Variants in NEK7 observed in about 807,000 individuals in gnomAD.
NEK7 encodes the protein NIMA related kinase 7, also known as serine/threonine-protein kinase Nek7.
In NEK7, 18 loss-of-function variants were observed where a neutral mutation model predicts 44.6. The ratio of observed to expected loss-of-function variants is 0.40; its 90% CI spans 0.28 to 0.60. The LOEUF is 0.60. Ranked by LOEUF, NEK7 falls within the 20% of genes least tolerant of loss-of-function variation. The pLI, the probability that NEK7 is intolerant of heterozygous loss-of-function variation, is 0.38. For missense variants in NEK7, 256 were observed against 366.5 expected, an observed-to-expected ratio of 0.70 and a Z score of 2.46; for synonymous variants, 130 against 121.1, an observed-to-expected ratio of 1.07 and a Z score of -0.48.
At chr1:198,163,330 A>G (rs1221708113) in intron 1 of NEK7, among the ~76,000 whole-genome samples, 1 of 151,952 alleles carries the variant, frequency 6.6e-6, no homozygotes, top group East Asian at 1.9e-4. Flanking sequence ...CTGTCACTAC[A>G]AAAAATTTAA....
At chr1:198,283,628 A>G (rs1290699337) in intron 7 of NEK7, among the ~76,000 whole-genome samples, 2 of 152,164 alleles carry the variant, frequency 1.3e-5, no homozygotes, top group African/African-American at 4.8e-5. Context: ...TAGGACACTT[A>G]TGAATTTTGC....
At chr1:198,201,539 C>T (rs557299526) in intron 1 of NEK7, among the ~76,000 whole-genome samples, 1 of 152,166 alleles carries the variant, frequency 6.6e-6, no homozygotes, top group Admixed American at 6.5e-5. Context: ...ACTGTCTGAC[C>T]CTTTACCAAA....
intron 9 of NEK7, among the ~76,000 whole-genome samples, chr1:198,308,795 T>C (rs1655088748): frequency 6.6e-6 from 1 of 152,194 alleles, no homozygotes; most frequent in Non-Finnish European, 1.5e-5. Context: ...CATCATACTT[T>C]CTTTGGCCAA....
At chr1:198,202,568 G>A (rs1665463786) in intron 1 of NEK7, among the ~76,000 whole-genome samples, 1 of 152,134 alleles carries the variant, frequency 6.6e-6, no homozygotes, top group Non-Finnish European at 1.5e-5. Context: ...GAATCTCTCT[G>A]TATTAGTCTG....
intron 1 of NEK7, chr1:198,208,700 T>G (rs1665669067): frequency 6.6e-6 from 1 of 152,240 alleles, no homozygotes; most frequent in Non-Finnish European, 1.5e-5. Flanking sequence ...AAGATAATTT[T>G]AGTATTTGAG....
At chr1:198,216,710 G>A (rs1327642684) in intron 1 of NEK7, among the ~76,000 whole-genome samples, 1 of 151,940 alleles carries the variant, frequency 6.6e-6, no homozygotes, top group Non-Finnish European at 1.5e-5. Context: ...AAGAAAAGAA[G>A]AGAGAAGATC....
At chr1:198,165,653 A>G (rs1313290518) in intron 1 of NEK7, among the ~76,000 whole-genome samples, 2 of 152,200 alleles carry the variant, frequency 1.3e-5, no homozygotes, top group African/African-American at 2.4e-5. Flanking sequence ...TATAGCACAC[A>G]GGCAGAGTAG....
chr1:198,175,552 C>G (rs1664580848), intron 1 of NEK7, among the ~76,000 whole-genome samples: 1 of 152,134 alleles, frequency 6.6e-6, no homozygotes, highest in African/African-American at 2.4e-5. Context: ...TTTATCTTAG[C>G]TCTTTAAATC....
At chr1:198,242,807 TA>T (rs1267924897) in intron 2 of NEK7, among the ~76,000 whole-genome samples, 6 of 150,830 alleles carry the variant, frequency 4.0e-5, no homozygotes, top group African/African-American at 1.2e-4. Context: ...TTTATATTTT[TA>T]ATTTTTTTTT....
chr1:198,187,477 A>G (rs1249983930), intron 1 of NEK7, among the ~76,000 whole-genome samples: 1 of 152,182 alleles, frequency 6.6e-6, no homozygotes, highest in African/African-American at 2.4e-5. Context: ...GAGAATTCAG[A>G]TACTCCCGTG....
At chr1:198,270,735 T>G (rs1192137797) in intron 5 of NEK7, among the ~76,000 whole-genome samples, 1 of 152,132 alleles carries the variant, frequency 6.6e-6, no homozygotes, top group Non-Finnish European at 1.5e-5. Flanking sequence ...CATACTGATT[T>G]TTCATGTGTT....
At chr1:198,300,965 T>TAGC (rs1654865092) in intron 9 of NEK7, among the ~76,000 whole-genome samples, 1 of 152,190 alleles carries the variant, frequency 6.6e-6, no homozygotes, top group Non-Finnish European at 1.5e-5. Flanking sequence ...ATAAGATAAA[T>TAGC]AGACTGTTTT....
intron 9 of NEK7, among the ~76,000 whole-genome samples, chr1:198,309,922 C>A (rs999894230): frequency 3.3e-5 from 5 of 152,062 alleles, no homozygotes; most frequent in African/African-American, 7.2e-5. Context: ...ATGTGTCTTT[C>A]TAGCAGCATG....
intron 1 of NEK7, among the ~76,000 whole-genome samples, chr1:198,210,801 G>A (rs1250854500): frequency 8.0e-6 from 1 of 124,408 alleles, no homozygotes; most frequent in Non-Finnish European, 1.6e-5. Context: ...CGCCCAGGCT[G>A]GAGTGCAGTG....
chr1:198,162,465 T>G (rs1261508796), intron 1 of NEK7, among the ~76,000 whole-genome samples: 3 of 152,234 alleles, frequency 2.0e-5, no homozygotes, highest in African/African-American at 7.2e-5. Context: ...GTTGAGTTGC[T>G]CATTTTATTC....
At chr1:198,253,526 A>G (rs1283232082) in intron 3 of NEK7, among the ~76,000 whole-genome samples, 1 of 152,060 alleles carries the variant, frequency 6.6e-6, no homozygotes, top group Non-Finnish European at 1.5e-5. Context: ...CACTGTAGTC[A>G]GAAACTAGAG....
Position 198,292,972 on chromosome 1 carries a change from A to G in NEK7, c.617A>G (p.Glu206Gly). 6.3e-7 allele frequency: 1 copy of G among 1,597,934 alleles called. No individual in the cohort carries two copies. The highest frequency in any genetic ancestry group is 8.6e-7 in the Non-Finnish European group (1 of 1,165,858). ...LVGTPYYMSP[E>G]RIHENGYNFK... The stretch of plus-strand genomic sequence containing the variant: ...GGTACGCCTTATTACATGTCTCCAG[A>G]GAGAATACATGAAAATGGATACAAC... The change falls in exon 8 of 10, where the codon GAG becomes GGG. Residue 206 changes from glutamate (E) to glycine (G), a missense_variant. Glu to Gly is a moderately conservative substitution (Grantham distance 98). Transcript: ENST00000367385.
chr1:198,248,602 A>G (rs772202616), intron 2 of NEK7, among the ~76,000 whole-genome samples: 12 of 152,218 alleles, frequency 7.9e-5, no homozygotes, highest in Admixed American at 1.3e-4. Flanking sequence ...ATGTTATTTA[A>G]TGATGCGGTA....
In NEK7 at chr1:198,250,787, C is replaced by T. The variant is rs1346899241; in HGVS notation, c.58-2253C>T. Among the ~76,000 whole-genome samples, 19 of 146,234 alleles carry T rather than the reference C, an allele frequency of 1.3e-4. No individual in the cohort carries two copies. The East Asian group carries it at 1.6e-3, about 12-fold the overall frequency. The stretch of plus-strand genomic sequence containing the variant: ...AGCTTAAGGAGATTTTGGGCTGAGA[C>T]AATGGGGTTTTCTAGATATACAATC... On this transcript the variant is annotated intron_variant, in intron 2 of 9. Transcript: ENST00000367385.
Sources: allele counts gnomAD v4.1 joint callset (sites outside exome capture counted in the v4.1 genomes callset), GRCh38; gene constraint gnomAD v4.1.1; transcripts MANE v1.5; gene names NCBI Gene and HGNC (gene_info 2026-07-23, HGNC 2026-07-21).